The following CPNE1 variants were observed in gnomAD, a reference collection of about 807,000 sequenced individuals.
CPNE1 encodes the protein copine 1, also known as copine-1.
In CPNE1, 58 loss-of-function variants were observed where a neutral mutation model predicts 63.2. That is an observed-to-expected ratio of 0.92 (90% CI 0.74 to 1.14). The LOEUF is 1.14. Ranked by LOEUF, CPNE1 falls within the 50% of genes most tolerant of loss-of-function variation. The probability of loss-of-function intolerance (pLI) is 0.00; values close to 1 mark genes in which losing one functional copy is unlikely to be tolerated. For synonymous variants in CPNE1, 237 were observed against 249.0 expected (o/e 0.95, Z 0.45); for missense variants, 672 against 661.7 (o/e 1.02, Z -0.17).
intron 1 of CPNE1, chr20:35,652,574 A>G (rs1486012728): frequency 6.2e-7 from 1 of 1,614,068 alleles, no homozygotes; most frequent in African/African-American, 1.3e-5. Context: ...CTGTCATTTA[A>G]GTCAATGACA....
intron 1 of CPNE1, among the ~76,000 whole-genome samples, chr20:35,636,883 CATAA>C (rs1171221080): frequency 1.3e-5 from 2 of 152,088 alleles, no homozygotes; most frequent in Admixed American, 6.6e-5. Context: ...TGAATACAAA[CATAA>C]ATAAATACAC....
At chr20:35,654,488 G>T in intron 1 of CPNE1, 1 of 1,614,146 alleles carries the variant, frequency 6.2e-7, no homozygotes, top group Non-Finnish European at 8.5e-7. Flanking sequence ...GGATTCAACG[G>T]ACCAAGAAAC....
chr20:35,643,727 G>A (rs1000830963), intron 1 of CPNE1, among the ~76,000 whole-genome samples: 1 of 152,094 alleles, frequency 6.6e-6, no homozygotes, highest in Non-Finnish European at 1.5e-5. Context: ...GTGAGACTCT[G>A]TTGCGAAAAC....
At chr20:35,643,919 T>G (rs2146314995) in intron 1 of CPNE1, among the ~76,000 whole-genome samples, 1 of 152,206 alleles carries the variant, frequency 6.6e-6, no homozygotes, top group Admixed American at 6.5e-5. Context: ...GGCCTCCCAC[T>G]TTCCCTAAAA....
chr20:35,653,910 A>C (rs1247834995), intron 1 of CPNE1: 1 of 1,614,204 alleles, frequency 6.2e-7, no homozygotes, highest in Non-Finnish European at 8.5e-7. Context: ...AGCCTTCGCC[A>C]GTTGCTTTCC....
chr20:35,641,958 A>T (rs1010841613), intron 1 of CPNE1, among the ~76,000 whole-genome samples: 2 of 152,262 alleles, frequency 1.3e-5, no homozygotes, highest in African/African-American at 4.8e-5. Context: ...TCGTTGAAGC[A>T]GGTGGCCTTG....
At chr20:35,641,845 C>T (rs1290335210) in intron 1 of CPNE1, among the ~76,000 whole-genome samples, 1 of 152,202 alleles carries the variant, frequency 6.6e-6, no homozygotes, top group African/African-American at 2.4e-5. Flanking sequence ...ACAGCATATA[C>T]CTGAGCACAT....
At chr20:35,653,144 A>G in intron 1 of CPNE1, 1 of 1,613,602 alleles carries the variant, frequency 6.2e-7, no homozygotes, top group Non-Finnish European at 8.5e-7. Context: ...GATCCACCAA[A>G]ATTACCAGGA....
At chr20:35,647,958 G>A (rs2033238103) in intron 1 of CPNE1, among the ~76,000 whole-genome samples, 1 of 151,130 alleles carries the variant, frequency 6.6e-6, no homozygotes, top group South Asian at 2.1e-4. Flanking sequence ...CTCAGCTACT[G>A]AGAGGCTGAG....
intron 1 of CPNE1, chr20:35,654,225 C>A: frequency 1.2e-6 from 2 of 1,614,222 alleles, no homozygotes; most frequent in Non-Finnish European, 1.7e-6. Flanking sequence ...GTTGAATCAT[C>A]AGCATTCTGT....
chr20:35,636,266 C>T (rs1186676061), intron 1 of CPNE1, among the ~76,000 whole-genome samples: 1 of 152,210 alleles, frequency 6.6e-6, no homozygotes, highest in Non-Finnish European at 1.5e-5. Context: ...ATCAGGATCA[C>T]AGCTTCCCCC....
chr20:35,630,322 A>G, intron 13 of CPNE1, 117 bp downstream of exon 13: 1 of 791,550 alleles, frequency 1.3e-6, no homozygotes, highest in East Asian at 2.6e-5. Flanking sequence ...AAAATTAAAT[A>G]AAATCCACCC....
At chr20:35,653,345 C>T (rs2033672496) in intron 1 of CPNE1, 2 of 1,613,940 alleles carry the variant, frequency 1.2e-6, no homozygotes, top group Non-Finnish European at 1.7e-6. Flanking sequence ...GGCAGTCCCA[C>T]ACCGGGCAGT....
intron 1 of CPNE1, among the ~76,000 whole-genome samples, chr20:35,663,425 A>C (rs926429920): frequency 2.0e-5 from 3 of 152,172 alleles, no homozygotes; most frequent in African/African-American, 7.2e-5. Context: ...TTCAAGCAAG[A>C]AGCTCTAAAA....
At chr20:35,648,748 C>A (rs1178257423) in intron 1 of CPNE1, among the ~76,000 whole-genome samples, 1 of 152,186 alleles carries the variant, frequency 6.6e-6, no homozygotes, top group Non-Finnish European at 1.5e-5. Flanking sequence ...CCCTGCTGTT[C>A]CAAGTATCCT....
chr20:35,646,290 ACTATTTAACCCTCTT>A (rs2033095785), intron 1 of CPNE1, among the ~76,000 whole-genome samples: 1 of 149,680 alleles, frequency 6.7e-6, no homozygotes, highest in Non-Finnish European at 1.5e-5. Context: ...AAACAAAAAA[ACTATTTAACCCTCTT>A]AAATCCTTCC....
chr20:35,647,660 C>G (rs1298236853), intron 1 of CPNE1, among the ~76,000 whole-genome samples: 1 of 151,990 alleles, frequency 6.6e-6, no homozygotes, highest in African/African-American at 2.4e-5. Context: ...TGCTAGTTAA[C>G]GTTGATCCAG....
intron 1 of CPNE1, among the ~76,000 whole-genome samples, chr20:35,642,609 A>G (rs2039810296): frequency 6.6e-6 from 1 of 152,198 alleles, no homozygotes. Context: ...GGACATGGAG[A>G]AGGTAGACAA....
chr20:35,647,829 C>T (rs1167737127), intron 1 of CPNE1, among the ~76,000 whole-genome samples: 1 of 146,838 alleles, frequency 6.8e-6, no homozygotes, highest in East Asian at 2.0e-4. Flanking sequence ...CCGAGGTGGG[C>T]GGATCATGAG....
Sources: gnomAD v4.1 joint callset for allele counts (sites outside exome capture counted in the v4.1 genomes callset) on GRCh38, gnomAD v4.1.1 for gene constraint, MANE v1.5 for transcripts, NCBI Gene and HGNC (gene_info 2026-07-23, HGNC 2026-07-21) for gene names.